Variants in GABBR2 observed in about 807,000 individuals in gnomAD.
The protein encoded by GABBR2 is G-protein coupled receptor 51.
In GABBR2, 23 loss-of-function variants were observed where a neutral mutation model predicts 105.6. That is an observed-to-expected ratio of 0.22 (90% CI 0.16 to 0.31). GABBR2 has a LOEUF of 0.31. GABBR2 is among the 10% of genes least tolerant of loss of function. The pLI, the probability that GABBR2 is intolerant of heterozygous loss-of-function variation, is 1.00. For missense variants in GABBR2, 734 were observed against 1,245.5 expected (o/e 0.59, Z 6.18); for synonymous variants, 478 against 499.7 (o/e 0.96, Z 0.58).
intron 4 of GABBR2, among the ~76,000 whole-genome samples, chr9:98,487,023 G>A (rs1827068834): frequency 6.6e-6 from 1 of 152,238 alleles, no homozygotes; most frequent in Admixed American, 6.5e-5. Context: ...TCTCAAGGAA[G>A]GGAGCGAAGA....
At chr9:98,393,157 C>CCCATCCATCCATCCATCCAT (rs148679963) in intron 9 of GABBR2, among the ~76,000 whole-genome samples, 8,765 of 115,322 alleles carry the variant, frequency 0.076, 505 homozygotes, top group African/African-American at 0.092. Flanking sequence ...CATCCACCAA[C>CCCATCCATCCATCCATCCAT]CCATCCATCC....
chr9:98,631,267 C>G (rs979257673), intron 1 of GABBR2, among the ~76,000 whole-genome samples: 1 of 152,158 alleles, frequency 6.6e-6, no homozygotes, highest in African/African-American at 2.4e-5. Context: ...TGGATTCAGG[C>G]CTTGACTATC....
At chr9:98,387,317 G>A (rs528444223) in intron 10 of GABBR2, among the ~76,000 whole-genome samples, 2 of 152,196 alleles carry the variant, frequency 1.3e-5, no homozygotes, top group Non-Finnish European at 2.9e-5. Context: ...GAGGCCAAGA[G>A]GGGGTAGTTA....
At chr9:98,447,935 C>T (rs1232789303) in intron 7 of GABBR2, among the ~76,000 whole-genome samples, 1 of 152,098 alleles carries the variant, frequency 6.6e-6, no homozygotes, top group Non-Finnish European at 1.5e-5. Flanking sequence ...CTGGATCCCT[C>T]TTCACCAGCA....
intron 7 of GABBR2, among the ~76,000 whole-genome samples, chr9:98,438,779 A>G (rs1328624809): frequency 6.6e-6 from 1 of 152,016 alleles, no homozygotes; most frequent in Non-Finnish European, 1.5e-5. Flanking sequence ...AAGGCTATTA[A>G]CCCTACCACA....
intron 2 of GABBR2, among the ~76,000 whole-genome samples, chr9:98,573,297 AAT>A (rs1828860286): frequency 6.6e-6 from 1 of 152,252 alleles, no homozygotes; most frequent in Non-Finnish European, 1.5e-5. Context: ...TATTTTTTTT[AAT>A]AGAGGCAGGG....
intron 7 of GABBR2, among the ~76,000 whole-genome samples, chr9:98,447,543 G>A (rs1474041570): frequency 1.1e-4 from 7 of 65,426 alleles, no homozygotes; most frequent in East Asian, 1.6e-3. Context: ...ATGTATGTGT[G>A]TGTGTGTGTG....
intron 1 of GABBR2, among the ~76,000 whole-genome samples, chr9:98,598,952 C>T (rs1196478621): frequency 6.6e-6 from 1 of 152,170 alleles, no homozygotes; most frequent in Non-Finnish European, 1.5e-5. Flanking sequence ...AAATGGCTCC[C>T]CTGCCCCCTA....
intron 1 of GABBR2, among the ~76,000 whole-genome samples, chr9:98,697,396 C>A (rs1246524158): frequency 2.0e-5 from 3 of 151,320 alleles, no homozygotes; most frequent in African/African-American, 7.3e-5. Flanking sequence ...AAGGCGGAGG[C>A]AGGAGAATGG....
intron 1 of GABBR2, among the ~76,000 whole-genome samples, chr9:98,667,385 C>T (rs1257885491): frequency 1.3e-5 from 2 of 152,158 alleles, no homozygotes; most frequent in Admixed American, 6.5e-5. Flanking sequence ...CAGGTCCTCC[C>T]TTCCCCTTCA....
intron 7 of GABBR2, among the ~76,000 whole-genome samples, chr9:98,424,779 C>T (rs920950016): frequency 1.4e-4 from 22 of 152,044 alleles, no homozygotes; most frequent in African/African-American, 3.1e-4. Flanking sequence ...TTACAAGGGA[C>T]GTGAAGGACC....
rs199742427 is a variant in GABBR2 at position 98,548,542 on chromosome 9, G to GT, written c.460-6500dup. On this transcript the variant is annotated intron_variant, in intron 2 of 18. Transcript: ENST00000259455. ...GTGCTCCCCTCCTCTTCTCATCCAGGTTTTTTTTCCCCCTAGGAATGTATA... is the reference window on the plus strand; with the variant it reads ...GTGCTCCCCTCCTCTTCTCATCCAGGTTTTTTTTTCCCCCTAGGAATGTATA... Among the ~76,000 whole-genome samples, 636 of 114,924 alleles carry GT rather than the reference G, an allele frequency of 5.5e-3. 187 individuals carry two copies. The highest frequency in any genetic ancestry group is 8.8e-3 in the Non-Finnish European group (459 of 51,902). 75.4% of individuals were successfully genotyped at this position (114,924 alleles called of 152,430 possible).
At chr9:98,352,355 A>G (rs140154661) in intron 13 of GABBR2, among the ~76,000 whole-genome samples, 78 of 152,222 alleles carry the variant, frequency 5.1e-4, no homozygotes, top group African/African-American at 1.9e-3. Flanking sequence ...TTGCATAGCC[A>G]CCTCTGGTGG....
chr9:98,378,127 C>G (rs1214720019), intron 11 of GABBR2, among the ~76,000 whole-genome samples: 1 of 152,220 alleles, frequency 6.6e-6, no homozygotes, highest in African/African-American at 2.4e-5. Flanking sequence ...AAAAATGTTT[C>G]ATTAATTCCT....
At chr9:98,625,501 C>T (rs1230141314) in intron 1 of GABBR2, among the ~76,000 whole-genome samples, 1 of 152,226 alleles carries the variant, frequency 6.6e-6, no homozygotes, top group Non-Finnish European at 1.5e-5. Flanking sequence ...GCCACTTCCT[C>T]CTGAGGGGTC....
intron 1 of GABBR2, among the ~76,000 whole-genome samples, chr9:98,679,074 T>C (rs757393689): frequency 6.6e-6 from 1 of 152,088 alleles, no homozygotes; most frequent in Non-Finnish European, 1.5e-5. Flanking sequence ...CTGCTGCAAA[T>C]AGCCAGTACC....
At chr9:98,661,380 T>C (rs1830260526) in intron 1 of GABBR2, among the ~76,000 whole-genome samples, 1 of 152,006 alleles carries the variant, frequency 6.6e-6, no homozygotes, top group African/African-American at 2.4e-5. Context: ...ATTTTTCCTT[T>C]TGTGTATTGA....
At chr9:98,658,282 G>A (rs1830208837) in intron 1 of GABBR2, among the ~76,000 whole-genome samples, 1 of 152,140 alleles carries the variant, frequency 6.6e-6, no homozygotes, top group African/African-American at 2.4e-5. Flanking sequence ...ACAAGCCTGG[G>A]CCCCACCTCC....
chr9:98,676,396 T>C (rs564568867), intron 1 of GABBR2, among the ~76,000 whole-genome samples: 14 of 152,354 alleles, frequency 9.2e-5, no homozygotes, highest in African/African-American at 2.4e-5. Context: ...TATAAGTTTG[T>C]GGTAAATTTT....
Sources: allele counts gnomAD v4.1 joint callset (sites outside exome capture counted in the v4.1 genomes callset), GRCh38; gene constraint gnomAD v4.1.1; transcripts MANE v1.5; gene names NCBI Gene and HGNC (gene_info 2026-07-23, HGNC 2026-07-21).